COL11A1: variants seen among roughly 807,000 people sequenced by gnomAD.
COL11A1 encodes collagen type XI alpha 1 chain, also known as collagen alpha-1(XI) chain.
In COL11A1, 74 loss-of-function variants were observed where a neutral mutation model predicts 265.2. That is an observed-to-expected ratio of 0.28 (90% CI 0.23 to 0.34). The LOEUF (loss-of-function observed/expected upper bound fraction) is 0.34, where lower values mean the gene tolerates loss of function less well. COL11A1 is among the 10% of genes least tolerant of loss of function. COL11A1 has a pLI of 1.00. For missense variants in COL11A1, 2,165 were observed against 2,263.6 expected, an observed-to-expected ratio of 0.96 and a Z score of 0.88; for synonymous variants, 816 against 727.6, an observed-to-expected ratio of 1.12 and a Z score of -1.96.
chr1:102,954,763 G>C (rs1660205499), intron 41 of COL11A1, among the ~76,000 whole-genome samples: 1 of 151,824 alleles, frequency 6.6e-6, no homozygotes, highest in African/African-American at 2.4e-5. Flanking sequence ...AGAATCACTT[G>C]AACCTAGGAG....
chr1:102,911,516 C>T lies in COL11A1; in HGVS notation c.4086+643G>A, dbSNP rs371105150. ...AGACTGCAGGTGGTACAGAAGAACA[C>T]GCTAAAGTGAGATAGCTGCTGTAAG... is the stretch of plus-strand genomic sequence containing the variant. On this transcript the variant is annotated intron_variant, in intron 54 of 66. Transcript: ENST00000370096. 2.5e-4 allele frequency among the ~76,000 whole-genome samples: 38 copies of T among 152,180 alleles called. No homozygotes were observed. In the South Asian group the frequency reaches 7.3e-3, roughly 29 times the overall value.
Position 102,978,730 on chromosome 1 carries a change from G to A in COL11A1, c.2732C>T (p.Pro911Leu), listed in dbSNP as rs1280999450. The A allele has an allele frequency of 1.9e-6, 3 of 1,614,136 alleles. No homozygotes were observed. The highest frequency in any genetic ancestry group is 2.5e-6 in the Non-Finnish European group (3 of 1,180,012). ...TACTCTTTCACCTGGAGGGCCAGGA[G>A]GGCCATCGCCACCTGAAGTGCCCTG... ...GPKGTSGGDG[P>L]PGPPGERGPQ... The change falls in exon 35 of 67, where the codon CCT becomes CTT. Residue 911 changes from proline to leucine, a missense_variant. Pro to Leu is a moderately conservative substitution (Grantham distance 98). Transcript: ENST00000370096.
intron 1 of COL11A1, among the ~76,000 whole-genome samples, chr1:103,084,354 C>A (rs780800415): frequency 2.6e-5 from 4 of 152,094 alleles, no homozygotes; most frequent in Non-Finnish European, 4.4e-5. Flanking sequence ...TATGACCCAG[C>A]AATTCCACTC....
intron 31 of COL11A1, among the ~76,000 whole-genome samples, chr1:102,981,642 A>G (rs1663050237): frequency 6.6e-6 from 1 of 152,040 alleles, no homozygotes; most frequent in African/African-American, 2.4e-5. Flanking sequence ...TCACCAAAAT[A>G]TATAATTTCT....
chr1:103,074,476 C>A, intron 4 of COL11A1, 142 bp downstream of exon 4: 1 of 851,054 alleles, frequency 1.2e-6, no homozygotes, highest in Admixed American at 2.3e-5. Flanking sequence ...CACCACTATA[C>A]TCACAGAGGA....
chr1:103,046,360 T>G (rs1467662531), intron 4 of COL11A1, among the ~76,000 whole-genome samples: 19 of 147,284 alleles, frequency 1.3e-4, no homozygotes, highest in Middle Eastern at 6.8e-3. Context: ...GGCCAGTGAT[T>G]ATGAACATTT....
chr1:102,971,964 C>T (rs560936826), intron 36 of COL11A1, among the ~76,000 whole-genome samples: 58 of 152,216 alleles, frequency 3.8e-4, no homozygotes, highest in African/African-American at 1.3e-3. Flanking sequence ...TACATACCCA[C>T]GTATCATTTA....
intron 66 of COL11A1, among the ~76,000 whole-genome samples, chr1:102,878,475 CATATAT>C (rs57574729): frequency 0.038 from 1,901 of 49,872 alleles, 148 homozygotes; most frequent in African/African-American, 0.1. Flanking sequence ...ATTGAATCCT[CATATAT>C]ATATATATAT....
At chr1:103,065,017 A>T (rs1184583791) in intron 4 of COL11A1, among the ~76,000 whole-genome samples, 1 of 152,186 alleles carries the variant, frequency 6.6e-6, no homozygotes, top group Non-Finnish European at 1.5e-5. Context: ...GTACAACACC[A>T]AGAGTGAACA....
chr1:102,971,285 C>G (rs1232486461), intron 36 of COL11A1, among the ~76,000 whole-genome samples: 1 of 152,120 alleles, frequency 6.6e-6, no homozygotes, highest in Non-Finnish European at 1.5e-5. Context: ...AAGCAATTAA[C>G]TACAAACAAA....
intron 1 of COL11A1, 48 bp from the exon 2 acceptor site, chr1:103,083,020 AT>A: frequency 6.4e-7 from 1 of 1,556,216 alleles, no homozygotes; most frequent in Non-Finnish European, 8.8e-7. Context: ...CAACGATCTG[AT>A]ATAACAATGA....
intron 9 of COL11A1, 68 bp from the exon 10 acceptor site, chr1:103,018,927 T>G (rs1413160389): frequency 2.5e-6 from 3 of 1,192,422 alleles, no homozygotes; most frequent in South Asian, 1.2e-5. Context: ...TACATGAATA[T>G]AAGAGAACAC....
intron 1 of COL11A1, among the ~76,000 whole-genome samples, chr1:103,089,379 C>T (rs995668717): frequency 3.3e-5 from 5 of 152,084 alleles, no homozygotes; most frequent in African/African-American, 9.7e-5. Flanking sequence ...TTGTATTTCC[C>T]CTTAGATCAC....
At chr1:102,896,741 A>C (rs1652487259) in intron 57 of COL11A1, among the ~76,000 whole-genome samples, 1 of 152,202 alleles carries the variant, frequency 6.6e-6, no homozygotes, top group East Asian at 1.9e-4. Context: ...TTTATTTTTA[A>C]TATTAGCTGA....
At chr1:103,041,616 G>A (rs999675203) in intron 4 of COL11A1, among the ~76,000 whole-genome samples, 5 of 151,308 alleles carry the variant, frequency 3.3e-5, no homozygotes, top group Non-Finnish European at 7.4e-5. Context: ...AATCTAAATC[G>A]GCTACTTTAT....
intron 4 of COL11A1, among the ~76,000 whole-genome samples, chr1:103,066,548 T>A (rs1446182024): frequency 9.4e-6 from 1 of 106,644 alleles, no homozygotes; most frequent in Non-Finnish European, 1.9e-5. Context: ...AAATAAACCC[T>A]CAGCACCAAA....
chr1:102,893,837 T>C (rs886125907), intron 57 of COL11A1, among the ~76,000 whole-genome samples: 1 of 152,176 alleles, frequency 6.6e-6, no homozygotes, highest in Non-Finnish European at 1.5e-5. Flanking sequence ...TTTTAATCAT[T>C]GTGGAATGCT....
chr1:103,014,455 A>G (rs1211839322), intron 13 of COL11A1, 56 bp downstream of exon 13: 2 of 1,368,864 alleles, frequency 1.5e-6, no homozygotes, highest in Non-Finnish European at 2.1e-6. Flanking sequence ...GTACACACAT[A>G]TATACTTGAT....
chr1:103,046,775 T>C (rs1472829867), intron 4 of COL11A1, among the ~76,000 whole-genome samples: 2 of 151,172 alleles, frequency 1.3e-5, no homozygotes, highest in Non-Finnish European at 2.9e-5. Context: ...CTTGAATTGA[T>C]TTTTGTATAA....
Sources: allele counts gnomAD v4.1 joint callset (sites outside exome capture counted in the v4.1 genomes callset), GRCh38; gene constraint gnomAD v4.1.1; transcripts MANE v1.5; gene names NCBI Gene and HGNC (gene_info 2026-07-23, HGNC 2026-07-21).